The following CTIF variants were observed in gnomAD, a reference collection of about 807,000 sequenced individuals.
CTIF encodes the protein CBP80/20-dependent translation initiation factor.
Under a neutral mutation model 66.0 loss-of-function variants are expected in CTIF, and 21 were observed. The observed-to-expected ratio is 0.32, with a 90% CI of 0.23 to 0.46. CTIF has a LOEUF of 0.46. Among genes scored for constraint, CTIF ranks in the 20% least tolerant of loss-of-function variants. The pLI is 1.00. For missense variants in CTIF, 739 were observed against 812.7 expected (o/e 0.91, Z 1.10); for synonymous variants, 345 against 326.4 (o/e 1.06, Z -0.62).
At chr18:48,578,035 G>T (rs1386284137) in intron 1 of CTIF, among the ~76,000 whole-genome samples, 1 of 152,080 alleles carries the variant, frequency 6.6e-6, no homozygotes, top group East Asian at 1.9e-4. Flanking sequence ...CTATAGATTT[G>T]TCTATTCTGG....
intron 9 of CTIF, among the ~76,000 whole-genome samples, chr18:48,766,413 G>T (rs552079763): frequency 6.6e-6 from 1 of 152,170 alleles, no homozygotes; most frequent in African/African-American, 2.4e-5. Context: ...CAGTGTGATG[G>T]TCAGAGTGGA....
intron 1 of CTIF, among the ~76,000 whole-genome samples, chr18:48,617,021 C>T (rs1032877175): frequency 3.9e-5 from 6 of 152,232 alleles, no homozygotes; most frequent in African/African-American, 7.2e-5. Flanking sequence ...TCTGGCACAG[C>T]GTCTCATGAG....
chr18:48,683,634 G>C (rs1448611749), intron 6 of CTIF, among the ~76,000 whole-genome samples: 2 of 152,056 alleles, frequency 1.3e-5, no homozygotes, highest in African/African-American at 2.4e-5. Flanking sequence ...ACCCCCAAAG[G>C]GTTCAGGAGG....
At chr18:48,625,058 C>T (rs1321871321) in intron 2 of CTIF, 1 of 201,178 alleles carries the variant, frequency 5.0e-6, no homozygotes, top group African/African-American at 2.4e-5. Flanking sequence ...ACAAGTTTCT[C>T]CTCTTTCTCT....
intron 1 of CTIF, among the ~76,000 whole-genome samples, chr18:48,545,441 T>C (rs2088723402): frequency 6.6e-6 from 1 of 152,064 alleles, no homozygotes; most frequent in Admixed American, 6.5e-5. Context: ...ACAAGGGCCA[T>C]GCATCTAAGG....
At chr18:48,562,532 C>T (rs915560205) in intron 1 of CTIF, among the ~76,000 whole-genome samples, 9 of 152,158 alleles carry the variant, frequency 5.9e-5, no homozygotes, top group Non-Finnish European at 2.9e-5. Context: ...TGCAGCCCCC[C>T]GGGATCTCAG....
intron 9 of CTIF, among the ~76,000 whole-genome samples, chr18:48,779,130 T>G (rs1910975558): frequency 6.6e-6 from 1 of 152,150 alleles, no homozygotes; most frequent in Non-Finnish European, 1.5e-5. Flanking sequence ...ATGGTGTTAG[T>G]ATAAACACAA....
intron 9 of CTIF, among the ~76,000 whole-genome samples, chr18:48,770,000 A>G (rs115426542): frequency 0.011 from 1,650 of 152,324 alleles, 29 homozygotes; most frequent in African/African-American, 0.038. Context: ...GCGGGGGAAC[A>G]TGTGGCTTCC....
intron 5 of CTIF, 48 bp from the exon 6 acceptor site, chr18:48,670,621 G>T: frequency 6.5e-7 from 1 of 1,529,618 alleles, no homozygotes; most frequent in South Asian, 1.1e-5. Context: ...GGGACAGGAG[G>T]CATGAATGAG....
intron 7 of CTIF, among the ~76,000 whole-genome samples, chr18:48,724,817 G>T (rs2092372195): frequency 6.6e-6 from 1 of 152,228 alleles, no homozygotes; most frequent in Non-Finnish European, 1.5e-5. Flanking sequence ...CTCAGCAGGT[G>T]GATAGAGGAG....
At chr18:48,660,440 T>G (rs527840102) in intron 3 of CTIF, among the ~76,000 whole-genome samples, 2 of 152,242 alleles carry the variant, frequency 1.3e-5, no homozygotes, top group Non-Finnish European at 2.9e-5. Context: ...GTGGGCTTCC[T>G]CTGTAAAGAA....
At chr18:48,641,999 G>A (rs2090942328) in intron 3 of CTIF, among the ~76,000 whole-genome samples, 1 of 152,212 alleles carries the variant, frequency 6.6e-6, no homozygotes, top group East Asian at 1.9e-4. Context: ...AGTAATTATA[G>A]GATTTGGTTC....
At chr18:48,788,490 T>C (rs971562572) in intron 9 of CTIF, among the ~76,000 whole-genome samples, 21 of 151,754 alleles carry the variant, frequency 1.4e-4, no homozygotes, top group African/African-American at 5.1e-4. Flanking sequence ...GTGAATCCTG[T>C]GACTGTGTTC....
chr18:48,595,088 C>G (rs1219426321), intron 1 of CTIF, among the ~76,000 whole-genome samples: 1 of 152,230 alleles, frequency 6.6e-6, no homozygotes, highest in Admixed American at 6.5e-5. Flanking sequence ...TCACAATGAA[C>G]AAAAGAATCA....
chr18:48,576,459 C>A (rs1244105952), intron 1 of CTIF, among the ~76,000 whole-genome samples: 1 of 152,194 alleles, frequency 6.6e-6, no homozygotes, highest in Non-Finnish European at 1.5e-5. Context: ...CATTTAGGCG[C>A]TGCCCTCACC....
chr18:48,709,829 G>A (rs985476027), intron 6 of CTIF, among the ~76,000 whole-genome samples: 1 of 152,266 alleles, frequency 6.6e-6, no homozygotes, highest in African/African-American at 2.4e-5. Flanking sequence ...GAGGCCTATT[G>A]TGGCTGCCTG....
In CTIF at chr18:48,861,901, G is replaced by C. The variant is rs771446212; in HGVS notation, c.*2342G>C. 1 of 152,114 alleles carries C rather than the reference G, an allele frequency of 6.6e-6. No individual in the cohort carries two copies. Among genetic ancestry groups the C allele is most frequent in the Non-Finnish European group, 1.5e-5 (1 of 68,028 alleles). The allele number at this position is 152,114 out of a possible 1,614,324, so 9.4% of individuals were successfully genotyped here. A position where few individuals can be genotyped will look rare whatever the true frequency, so the allele number is the denominator to read the frequency against. Reference sequence around the variant, plus strand: ...ATAAATATATTTTTAATTACATGTCGTGTCACGGTGGCTCCAGACATACTG... The same window carrying C: ...ATAAATATATTTTTAATTACATGTCCTGTCACGGTGGCTCCAGACATACTG... On this transcript the variant is annotated 3_prime_UTR_variant, in exon 12 of 12. Transcript: ENST00000256413.
rs534008169 is a variant in CTIF at position 48,859,626 on chromosome 18, G to A, written c.*67G>A. 1.2e-5 allele frequency: 18 copies of A among 1,475,922 alleles called. No homozygotes were observed. The South Asian group carries it at 1.9e-4, about 16-fold the overall frequency. The allele number at this position is 1,475,922 out of a possible 1,614,324, so 91.4% of individuals were successfully genotyped here. A position where few individuals can be genotyped will look rare whatever the true frequency, so the allele number is the denominator to read the frequency against. ...CCTGGTGCACAGGGCCAGATGGACA[G>A]GCGGGAGGACAGGGGTGGCCCTGGC... On this transcript the variant is annotated 3_prime_UTR_variant, in exon 12 of 12. Transcript: ENST00000256413.
chr18:48,613,680 T>C (rs913660292), intron 1 of CTIF, among the ~76,000 whole-genome samples: 1 of 152,166 alleles, frequency 6.6e-6, no homozygotes, highest in African/African-American at 2.4e-5. Flanking sequence ...TGAGGTTGTT[T>C]AACAGAGATG....
Sources: gnomAD v4.1 joint callset for allele counts (sites outside exome capture counted in the v4.1 genomes callset) on GRCh38, gnomAD v4.1.1 for gene constraint, MANE v1.5 for transcripts, NCBI Gene and HGNC (gene_info 2026-07-23, HGNC 2026-07-21) for gene names.